Variants in CSMD3 observed in about 807,000 individuals in gnomAD.
CSMD3 encodes the protein CUB and Sushi multiple domains 3.
CSMD3 carries 177 observed loss-of-function variants against 435.2 expected under a neutral mutation model. The observed-to-expected ratio is 0.41, with a 90% confidence interval of 0.36 to 0.46. The LOEUF (loss-of-function observed/expected upper bound fraction) is 0.46. CSMD3 is among the 20% of genes least tolerant of loss of function. CSMD3 has a pLI of 0.34. For synonymous variants in CSMD3, 1,656 were observed against 1,520.5 expected, an observed-to-expected ratio of 1.09 and a Z score of -2.07; for missense variants, 4,265 against 4,504.6, an observed-to-expected ratio of 0.95 and a Z score of 1.52.
chr8:112,402,418 T>C (rs1831421104), intron 35 of CSMD3, among the ~76,000 whole-genome samples: 1 of 152,186 alleles, frequency 6.6e-6, no homozygotes, highest in Non-Finnish European at 1.5e-5. Context: ...CATTTACATT[T>C]CAGTTCTTGG....
chr8:113,370,256 T>C (rs1020278883), intron 1 of CSMD3, among the ~76,000 whole-genome samples: 1 of 151,582 alleles, frequency 6.6e-6, no homozygotes, highest in Non-Finnish European at 1.5e-5. Context: ...AGGAAAAAGA[T>C]AGCTGGCAGA....
chr8:112,241,243 G>A (rs376320573), intron 66 of CSMD3, among the ~76,000 whole-genome samples: 2 of 152,140 alleles, frequency 1.3e-5, no homozygotes, highest in East Asian at 3.9e-4. Context: ...CATCAAGGTT[G>A]TAGGGCTTTA....
At chr8:113,298,348 T>C (rs1193148864) in intron 2 of CSMD3, among the ~76,000 whole-genome samples, 3 of 152,142 alleles carry the variant, frequency 2.0e-5, no homozygotes. Flanking sequence ...AAGACATTGA[T>C]ATGATAATAG....
At chr8:112,688,707 T>C (rs1490901677) in intron 14 of CSMD3, among the ~76,000 whole-genome samples, 1 of 152,076 alleles carries the variant, frequency 6.6e-6, no homozygotes, top group Non-Finnish European at 1.5e-5. Flanking sequence ...TAAATGTATT[T>C]CCAAGTTAGT....
intron 13 of CSMD3, among the ~76,000 whole-genome samples, chr8:112,709,992 T>C (rs1022368580): frequency 1.8e-4 from 28 of 152,084 alleles, no homozygotes; most frequent in African/African-American, 6.8e-4. Flanking sequence ...AGTCTCAAAA[T>C]TTAAAAATTC....
chr8:112,717,271 G>A (rs917896863), intron 13 of CSMD3, among the ~76,000 whole-genome samples: 12 of 151,504 alleles, frequency 7.9e-5, no homozygotes, highest in African/African-American at 2.7e-4. Context: ...ATGAACAGAT[G>A]CTTCTCAAAA....
intron 1 of CSMD3, among the ~76,000 whole-genome samples, chr8:113,435,587 CA>C (rs2094700720): frequency 6.6e-6 from 1 of 151,910 alleles, no homozygotes; most frequent in African/African-American, 2.4e-5. Context: ...GCGCCTGGGC[CA>C]AAACAGCACC....
chr8:113,080,459 C>T (rs1224529612), intron 5 of CSMD3, among the ~76,000 whole-genome samples: 2 of 152,056 alleles, frequency 1.3e-5, no homozygotes, highest in Non-Finnish European at 2.9e-5. Flanking sequence ...AGAAAATTGA[C>T]ATATAATGAA....
At chr8:113,353,283 A>T (rs1355653219) in intron 1 of CSMD3, among the ~76,000 whole-genome samples, 1 of 152,114 alleles carries the variant, frequency 6.6e-6, no homozygotes, top group East Asian at 1.9e-4. Flanking sequence ...ATTCTCACAC[A>T]TATGAATAAT....
chr8:112,238,567 T>A (rs1006636348), intron 66 of CSMD3, among the ~76,000 whole-genome samples: 6 of 152,176 alleles, frequency 3.9e-5, no homozygotes, highest in Non-Finnish European at 7.4e-5. Context: ...TTTGGAGTAA[T>A]GTAATCACTG....
rs1554792365 is a variant in CSMD3, at chr8:113,156,748, A to ATAAATAATTAAT, written c.709+16973_709+16974insATTAATTATTTA. Among the ~76,000 whole-genome samples the ATAAATAATTAAT allele has an allele frequency of 1.0e-4, 15 of 147,354 alleles. 1 individual carries two copies. The South Asian group carries it at 2.1e-3, about 21-fold the overall frequency. The stretch of plus-strand genomic sequence containing the variant: ...AAATCTCACCTAAATAAATAAATAA[A>ATAAATAATTAAT]TAAATAAATAAATAAATAAATAAAT... On this transcript the variant is annotated intron_variant, in intron 4 of 70. Coordinates refer to ENST00000297405, the MANE Select transcript of CSMD3 (RefSeq NM_198123.2).
At chr8:112,683,738 A>T (rs917501390) in intron 15 of CSMD3, among the ~76,000 whole-genome samples, 6 of 151,966 alleles carry the variant, frequency 3.9e-5, no homozygotes, top group Non-Finnish European at 8.8e-5. Context: ...TTATATTCAT[A>T]CTGCATTAGT....
intron 13 of CSMD3, among the ~76,000 whole-genome samples, chr8:112,791,763 TG>T: frequency 6.6e-6 from 1 of 152,180 alleles, no homozygotes; most frequent in Non-Finnish European, 1.5e-5. Context: ...GTAAAAAGGC[TG>T]GGTTGTGAGG....
At chr8:112,503,117 G>T (rs1301169298) in intron 30 of CSMD3, among the ~76,000 whole-genome samples, 1 of 152,046 alleles carries the variant, frequency 6.6e-6, no homozygotes, top group Non-Finnish European at 1.5e-5. Context: ...ACACGGTCTT[G>T]CTCTCCCAGG....
chr8:112,701,913 T>A (rs963009510), intron 13 of CSMD3, among the ~76,000 whole-genome samples: 1 of 152,118 alleles, frequency 6.6e-6, no homozygotes, highest in African/African-American at 2.4e-5. Context: ...TTTCTTAAGG[T>A]CAAACTATAC....
intron 5 of CSMD3, among the ~76,000 whole-genome samples, chr8:113,065,083 A>T (rs2088794984): frequency 6.6e-6 from 1 of 152,202 alleles, no homozygotes; most frequent in Admixed American, 6.5e-5. Flanking sequence ...TATTGTTGGT[A>T]ATCTGGAGTT....
intron 57 of CSMD3, among the ~76,000 whole-genome samples, chr8:112,287,855 C>A (rs1441896009): frequency 2.0e-5 from 3 of 152,122 alleles, no homozygotes; most frequent in East Asian, 1.9e-4. Context: ...AATTTAGAAA[C>A]TCTGACTTAA....
intron 70 of CSMD3, among the ~76,000 whole-genome samples, chr8:112,225,402 T>A (rs1412661421): frequency 6.6e-6 from 1 of 151,970 alleles, no homozygotes; most frequent in Non-Finnish European, 1.5e-5. Context: ...ATTGTAGTGA[T>A]AGAAAACAAG....
intron 5 of CSMD3, among the ~76,000 whole-genome samples, chr8:113,097,850 C>A (rs2090211472): frequency 6.6e-6 from 1 of 151,940 alleles, no homozygotes; most frequent in African/African-American, 2.4e-5. Context: ...ATACTGCCTT[C>A]TTTATCACCC....
Sources: allele counts gnomAD v4.1 joint callset (sites outside exome capture counted in the v4.1 genomes callset), GRCh38; gene constraint gnomAD v4.1.1; transcripts MANE v1.5; gene names NCBI Gene and HGNC (gene_info 2026-07-23, HGNC 2026-07-21).